TMEM232: variants seen among roughly 807,000 people sequenced by gnomAD.
The protein encoded by TMEM232 is transmembrane protein 232.
Under a neutral mutation model 78.8 loss-of-function variants are expected in TMEM232, and 80 were observed. The observed-to-expected ratio is 1.01, with a 90% CI of 0.85 to 1.22. The LOEUF (loss-of-function observed/expected upper bound fraction) is 1.22, where lower values mean the gene tolerates loss of function less well. Among genes scored for constraint, TMEM232 ranks in the 50% most tolerant of loss-of-function variants. The pLI is 0.00. For synonymous variants in TMEM232, 297 were observed against 254.3 expected (o/e 1.17, Z -1.60); for missense variants, 881 against 742.2 (o/e 1.19, Z -2.17).
At chr5:110,418,736 T>A (rs1009468042), downstream of TMEM232, among the ~76,000 whole-genome samples, 1 of 152,102 alleles carries the variant, frequency 6.6e-6, no homozygotes, top group African/African-American at 2.4e-5. Flanking sequence ...AGAGCAAACA[T>A]AAACCTAAGT....
At chr5:110,483,585 A>G (rs894818143) in intron 12 of TMEM232, among the ~76,000 whole-genome samples, 1 of 141,086 alleles carries the variant, frequency 7.1e-6, no homozygotes, top group African/African-American at 2.6e-5. Context: ...AACATCACAC[A>G]CCGCGGCCTG....
upstream of TMEM232, chr5:110,738,904 C>A: frequency 7.7e-7 from 1 of 1,296,256 alleles, no homozygotes; most frequent in Non-Finnish European, 1.0e-6. Context: ...GTCCAGGTTA[C>A]CGCCGCGTCT....
intron 11 of TMEM232, among the ~76,000 whole-genome samples, chr5:110,567,438 C>T (rs1776467191): frequency 6.6e-6 from 1 of 151,390 alleles, no homozygotes; most frequent in African/African-American, 2.4e-5. Context: ...TATTGGGATA[C>T]AGCATTGAAA....
chr5:110,595,867 G>A (rs551928154), intron 10 of TMEM232, among the ~76,000 whole-genome samples: 2 of 152,132 alleles, frequency 1.3e-5, no homozygotes, highest in Non-Finnish European at 2.9e-5. Flanking sequence ...ATATTATCCG[G>A]AAGAACTTCC....
intron 5 of TMEM232, among the ~76,000 whole-genome samples, chr5:110,628,716 T>G (rs537682353): frequency 6.7e-6 from 1 of 149,944 alleles, no homozygotes; most frequent in African/African-American, 2.4e-5. Context: ...AAAATCCTCT[T>G]AACAGCAATG....
chr5:110,734,634 A>G (rs1178599721), intron 2 of TMEM232, among the ~76,000 whole-genome samples: 1 of 152,218 alleles, frequency 6.6e-6, no homozygotes, highest in African/African-American at 2.4e-5. Context: ...TACCCAATTC[A>G]CAATTTAAAA....
chr5:110,639,814 C>T (rs1236296574), intron 4 of TMEM232, among the ~76,000 whole-genome samples: 1 of 152,202 alleles, frequency 6.6e-6, no homozygotes, highest in Non-Finnish European at 1.5e-5. Flanking sequence ...GCCTAGATGC[C>T]TCACATGTGC....
chr5:110,708,850 T>G (rs1268831395), intron 1 of TMEM232, among the ~76,000 whole-genome samples: 1 of 151,030 alleles, frequency 6.6e-6, no homozygotes, highest in Non-Finnish European at 1.5e-5. Context: ...GCAAAACAAA[T>G]AACAAAATGG....
chr5:110,415,582 C>T (rs1180701043), downstream of TMEM232, among the ~76,000 whole-genome samples: 1 of 151,858 alleles, frequency 6.6e-6, no homozygotes, highest in African/African-American at 2.4e-5. Context: ...CCATAAGTCT[C>T]ATGACTTAGT....
intron 1 of TMEM232, among the ~76,000 whole-genome samples, chr5:110,681,726 T>A (rs767249310): frequency 6.6e-6 from 1 of 152,136 alleles, no homozygotes; most frequent in African/African-American, 2.4e-5. Context: ...TTAAGTGGAG[T>A]TGAATAATAG....
At chr5:110,638,132 G>T in intron 5 of TMEM232, 66 bp downstream of exon 5, 1 of 1,228,464 alleles carries the variant, frequency 8.1e-7, no homozygotes, top group Non-Finnish European at 1.1e-6. Flanking sequence ...TCCTAAAACA[G>T]ATGTCATGTT....
At chr5:110,726,395 CT>C (rs1328519557) in intron 1 of TMEM232, among the ~76,000 whole-genome samples, 1 of 152,118 alleles carries the variant, frequency 6.6e-6, no homozygotes, top group African/African-American at 2.4e-5. Context: ...ATCAAACGAC[CT>C]GGTGGCTTTT....
At chr5:110,670,519 G>C (rs1791219372) in intron 1 of TMEM232, among the ~76,000 whole-genome samples, 1 of 152,086 alleles carries the variant, frequency 6.6e-6, no homozygotes, top group African/African-American at 2.4e-5. Context: ...CATGCTCATG[G>C]ATAGGAAGAA....
At chr5:110,549,737 A>C (rs1385305754) in intron 11 of TMEM232, among the ~76,000 whole-genome samples, 2 of 152,088 alleles carry the variant, frequency 1.3e-5, no homozygotes, top group Admixed American at 6.6e-5. Flanking sequence ...GATTTTAAAG[A>C]CATTAAAAAG....
At chr5:110,548,413 T>C (rs1774050579) in intron 11 of TMEM232, among the ~76,000 whole-genome samples, 1 of 150,032 alleles carries the variant, frequency 6.7e-6, no homozygotes, top group African/African-American at 2.4e-5. Context: ...TAAGACATTT[T>C]CATGGTCCAG....
At chr5:110,546,844 T>C (rs987149712) in intron 11 of TMEM232, among the ~76,000 whole-genome samples, 19 of 152,052 alleles carry the variant, frequency 1.2e-4, no homozygotes, top group African/African-American at 4.6e-4. Context: ...TATAAGTTGG[T>C]TTAAGGGATT....
At chr5:110,638,460 G>A (rs1786204016) in intron 4 of TMEM232, 105 bp from the exon 5 acceptor site, 1 of 1,133,058 alleles carries the variant, frequency 8.8e-7, no homozygotes, top group African/African-American at 1.6e-5. Flanking sequence ...AGACCAAATT[G>A]CAGTTTTAAA....
chr5:110,553,953 G>A (rs1015741833), intron 11 of TMEM232, among the ~76,000 whole-genome samples: 5 of 152,176 alleles, frequency 3.3e-5, no homozygotes, highest in Non-Finnish European at 7.3e-5. Context: ...TGTCTTTTCT[G>A]CATCTATTAA....
chr5:110,420,683 A>C lies in TMEM232; in HGVS notation c.1871T>G (p.Leu624Ter), dbSNP rs1159671452. 6.6e-7 allele frequency: 1 copy of C among 1,526,638 alleles called. No individual in the cohort carries two copies. Among genetic ancestry groups the C allele is most frequent in the South Asian group, 1.2e-5 (1 of 81,764 alleles). The allele number at this position is 1,526,638 out of a possible 1,614,324, so 94.6% of individuals were successfully genotyped here. The change falls in exon 14 of 14, where the codon TTA (leucine) becomes TGA (stop). Residue 624 changes from leucine to a stop codon, truncating the protein, a stop_gained. Coordinates refer to ENST00000455884, the MANE Select transcript of TMEM232 (RefSeq NM_001039763.4). LOFTEE classifies it high-confidence loss of function. ...CKAQELKDKK[L>*]AEKNHFQEVM... Reference sequence around the variant, plus strand: ...TTCTTGAAAGTGATTTTTCTCTGCTAACTTTTTATCTTTAAGTTCTTGGGC... The same window carrying C: ...TTCTTGAAAGTGATTTTTCTCTGCTCACTTTTTATCTTTAAGTTCTTGGGC...
Sources: gnomAD v4.1 joint callset for allele counts (sites outside exome capture counted in the v4.1 genomes callset) on GRCh38, gnomAD v4.1.1 for gene constraint, MANE v1.5 for transcripts, NCBI Gene and HGNC (gene_info 2026-07-23, HGNC 2026-07-21) for gene names.